MAL2: variants seen among roughly 807,000 people sequenced by gnomAD.
MAL2 encodes the protein mal, T cell differentiation protein 2.
MAL2 carries 17 observed loss-of-function variants against 18.1 expected under a neutral mutation model. The observed-to-expected ratio is 0.94, with a 90% CI of 0.64 to 1.41. The LOEUF (loss-of-function observed/expected upper bound fraction) is 1.41. Among genes scored for constraint, MAL2 ranks in the 40% most tolerant of loss-of-function variants. MAL2 has a pLI of 0.00. For missense variants in MAL2, 222 were observed against 231.9 expected, an observed-to-expected ratio of 0.96 and a Z score of 0.28; for synonymous variants, 102 against 102.3, an observed-to-expected ratio of 1.00 and a Z score of 0.02.
intron 2 of MAL2, among the ~76,000 whole-genome samples, chr8:119,234,315 C>T (rs571163530): frequency 1.8e-4 from 28 of 152,224 alleles, no homozygotes; most frequent in Non-Finnish European, 1.0e-4. Flanking sequence ...CCTATGCCCA[C>T]GGAATCTCGC....
Position 119,208,825 on chromosome 8 carries a change from C to A in MAL2, c.132+221C>A. 1 of 626,680 alleles carries A rather than the reference C, an allele frequency of 1.6e-6. No homozygotes were observed. The highest frequency in any genetic ancestry group is 2.2e-6 in the Non-Finnish European group (1 of 447,904). The allele number at this position is 626,680 out of a possible 1,614,324, so 38.8% of individuals were successfully genotyped here. On this transcript the variant is annotated intron_variant, in intron 1 of 3. Coordinates refer to ENST00000614891, the MANE Select transcript of MAL2 (RefSeq NM_052886.3). This position sits in a 1 kb window ranked among gnomAD's most constrained non-coding sequence, Gnocchi z 4.3. The stretch of plus-strand genomic sequence containing the variant: ...CGGGCACCTGCTCCCCCGCGGGCGA[C>A]GGAAATTGCCTGGGGAGGGCGAGTA...
intron 3 of MAL2, among the ~76,000 whole-genome samples, chr8:119,241,231 T>C (rs1043988492): frequency 4.6e-5 from 7 of 152,114 alleles, no homozygotes; most frequent in African/African-American, 1.7e-4. Flanking sequence ...TATTGAGCAG[T>C]TGAAAATTAA....
chr8:119,213,478 G>A (rs192121608), intron 1 of MAL2, among the ~76,000 whole-genome samples: 32 of 152,294 alleles, frequency 2.1e-4, no homozygotes, highest in African/African-American at 6.0e-4. Context: ...AAAACTGTAG[G>A]TATTTTTTTT....
chr8:119,241,060 CTAA>C (rs1429699327), intron 3 of MAL2, among the ~76,000 whole-genome samples: 2 of 152,016 alleles, frequency 1.3e-5, no homozygotes, highest in African/African-American at 2.4e-5. Flanking sequence ...GTTAGTGACC[CTAA>C]TGTTTTATTA....
intron 3 of MAL2, 62 bp downstream of exon 3, chr8:119,240,382 C>T (rs780502632): frequency 1.3e-6 from 2 of 1,528,516 alleles, no homozygotes; most frequent in Non-Finnish European, 1.8e-6. Flanking sequence ...TCAAGGCCTC[C>T]AAGAAACTCC....
At chr8:119,243,382 A>T in intron 3 of MAL2, 35 bp from the exon 4 acceptor site, 1 of 1,526,002 alleles carries the variant, frequency 6.6e-7, no homozygotes, top group Non-Finnish European at 8.9e-7. Context: ...TCGGTGTTGT[A>T]AATCTGATGT....
intron 1 of MAL2, among the ~76,000 whole-genome samples, chr8:119,211,801 T>A (rs1180796906): frequency 3.9e-5 from 6 of 151,914 alleles, no homozygotes; most frequent in Non-Finnish European, 8.8e-5. Context: ...TACCAATGTA[T>A]GCTTGCCACA....
intron 2 of MAL2, among the ~76,000 whole-genome samples, chr8:119,225,652 G>C (rs1817576961): frequency 6.6e-6 from 1 of 152,200 alleles, no homozygotes; most frequent in African/African-American, 2.4e-5. Flanking sequence ...GGATGGCTGG[G>C]TCAAATGGTA....
intron 2 of MAL2, among the ~76,000 whole-genome samples, chr8:119,232,560 T>G (rs1817755900): frequency 6.6e-6 from 1 of 152,204 alleles, no homozygotes; most frequent in Non-Finnish European, 1.5e-5. Context: ...AAACGAGTTC[T>G]TATACTTTTG....
chr8:119,211,286 C>G (rs1464029296), intron 1 of MAL2, among the ~76,000 whole-genome samples: 2 of 152,130 alleles, frequency 1.3e-5, no homozygotes, highest in South Asian at 2.1e-4. Flanking sequence ...TTCTGGGGAC[C>G]CATTATTTTA....
In MAL2 at chr8:119,214,456, A is replaced by G. The variant is rs1023915071; in HGVS notation, c.132+5852A>G. On this transcript the variant is annotated intron_variant, in intron 1 of 3. Transcript: ENST00000614891. ...AATAGCTATGAGAAGGAGGAAGGTA[A>G]AAAGAAAGGAAAGAGGCAGTGATTT... Among the ~76,000 whole-genome samples the G allele has an allele frequency of 3.3e-5, 5 of 152,224 alleles. No homozygotes were observed. The South Asian group carries it at 1.0e-3, about 31-fold the overall frequency.
At position 119,221,570 on chromosome 8, in the gene MAL2, C is replaced by G. The variant is rs1188867919; in HGVS notation, c.133-17C>G. 6.2e-7 allele frequency: 1 copy of G among 1,612,988 alleles called. No homozygotes were observed. Among genetic ancestry groups the G allele is most frequent in the Admixed American group, 1.7e-5 (1 of 59,810 alleles). On this transcript the variant is annotated splice_polypyrimidine_tract_variant and intron_variant, in intron 1 of 3. Transcript: ENST00000614891. ...GTATCTTTTAAGCAAACCAATTACC[C>G]TCTTTTTCTCTTTCAGCTGTTCGGG...
intron 2 of MAL2, chr8:119,223,903 C>A (rs1817525287): frequency 6.6e-6 from 1 of 151,822 alleles, no homozygotes; most frequent in African/African-American, 2.4e-5. Context: ...ACTTTTTAGC[C>A]ATGTATATAA....
At chr8:119,213,565 T>C (rs1817297790) in intron 1 of MAL2, among the ~76,000 whole-genome samples, 2 of 152,162 alleles carry the variant, frequency 1.3e-5, no homozygotes, top group African/African-American at 4.8e-5. Flanking sequence ...ATGCCTGTAA[T>C]CCTAGCACTT....
At chr8:119,241,570 T>C (rs1035069593) in intron 3 of MAL2, among the ~76,000 whole-genome samples, 4 of 152,130 alleles carry the variant, frequency 2.6e-5, no homozygotes, top group African/African-American at 9.7e-5. Flanking sequence ...ATGTGCCTAG[T>C]GGCTATCATG....
At chr8:119,235,448 T>C (rs200979097) in intron 2 of MAL2, among the ~76,000 whole-genome samples, 26,333 of 151,294 alleles carry the variant, frequency 0.17, 2,661 homozygotes, top group South Asian at 0.34. Flanking sequence ...ATACAGAGAA[T>C]GCCACAAAGA....
At chr8:119,218,395 A>G (rs983069902) in intron 1 of MAL2, among the ~76,000 whole-genome samples, 1 of 152,124 alleles carries the variant, frequency 6.6e-6, no homozygotes, top group Middle Eastern at 3.2e-3. Context: ...ATTTTACAGT[A>G]TAGCCTCTGC....
chr8:119,215,161 C>T (rs1443780599), intron 1 of MAL2: 1 of 152,220 alleles, frequency 6.6e-6, no homozygotes, highest in Non-Finnish European at 1.5e-5. Context: ...CAAAGTTTCC[C>T]ATAACTTTCC....
intron 2 of MAL2, among the ~76,000 whole-genome samples, chr8:119,237,887 G>A (rs1295518771): frequency 1.3e-5 from 2 of 152,178 alleles, no homozygotes; most frequent in Non-Finnish European, 2.9e-5. Context: ...ACAAGACAGG[G>A]ATGCCCTCTC....
Sources: allele counts gnomAD v4.1 joint callset (sites outside exome capture counted in the v4.1 genomes callset), GRCh38; gene constraint gnomAD v4.1.1; non-coding constraint Gnocchi (gnomAD v3.1); transcripts MANE v1.5; gene names NCBI Gene and HGNC (gene_info 2026-07-23, HGNC 2026-07-21).